Variants in ESPNL observed in about 807,000 individuals in gnomAD.
ESPNL encodes the protein espin-like protein.
In ESPNL, 49 loss-of-function variants were observed where a neutral mutation model predicts 46.8. The observed-to-expected ratio is 1.05, with a 90% CI of 0.83 to 1.33. The LOEUF (loss-of-function observed/expected upper bound fraction) is 1.33, where lower values mean the gene tolerates loss of function less well. Ranked by LOEUF, ESPNL falls within the 40% of genes most tolerant of loss-of-function variation. The pLI, the probability that ESPNL is intolerant of heterozygous loss-of-function variation, is 0.00. For missense variants in ESPNL, 1,540 were observed against 1,436.6 expected, an observed-to-expected ratio of 1.07 and a Z score of -1.16; for synonymous variants, 664 against 662.1, an observed-to-expected ratio of 1.00 and a Z score of -0.04.
chr2:238,127,558 G>C (rs1692167393), intron 6 of ESPNL, 64 bp from the exon 7 acceptor site: 1 of 1,501,936 alleles, frequency 6.7e-7, no homozygotes, highest in Non-Finnish European at 8.9e-7. Context: ...CCGGATCCCC[G>C]AGGCTCTGGG....
At chr2:238,102,294 A>G (rs1054443734) in intron 2 of ESPNL, among the ~76,000 whole-genome samples, 163 bp downstream of exon 2, 1 of 152,180 alleles carries the variant, frequency 6.6e-6, no homozygotes, top group African/African-American at 2.4e-5. Context: ...GCCAAGGGCA[A>G]TGAGGCCTCT....
chr2:238,102,923 C>T (rs1451790986), intron 2 of ESPNL, among the ~76,000 whole-genome samples: 1 of 152,228 alleles, frequency 6.6e-6, no homozygotes, highest in African/African-American at 2.4e-5. Context: ...CCCCCACACC[C>T]CCTTAGCTCC....
At chr2:238,123,970 G>T (rs1014972557) in intron 5 of ESPNL, among the ~76,000 whole-genome samples, 1 of 152,236 alleles carries the variant, frequency 6.6e-6, no homozygotes, top group African/African-American at 2.4e-5. Context: ...ATGAGCAAGG[G>T]AGGCTTAGGG....
At position 238,128,736 on chromosome 2, in the gene ESPNL, C is replaced by T. The variant is rs574036097; in HGVS notation, c.1245C>T (p.Thr415=). ...EGTETALAGD[T]SDGLAALQLD... Reference sequence around the variant, plus strand: ...CAGAGACGGCGCTGGCGGGGGACACCTCAGATGGCCTGGCCGCACTACAGC... The same window carrying T: ...CAGAGACGGCGCTGGCGGGGGACACTTCAGATGGCCTGGCCGCACTACAGC... Residue 415 remains threonine, a synonymous_variant, in exon 8 of 9, where the codon ACC becomes ACT. Transcript: ENST00000343063. 3 of 1,601,846 alleles carry T rather than the reference C, an allele frequency of 1.9e-6. No individual in the cohort carries two copies. The highest frequency in any genetic ancestry group is 2.3e-5 in the East Asian group (1 of 44,206).
At position 238,132,029 on chromosome 2, in the gene ESPNL, G is replaced by T. The variant is rs1276296961; in HGVS notation, c.*297G>T. The T allele has an allele frequency of 2.2e-5, 7 of 319,784 alleles. No individual in the cohort carries two copies. The highest frequency in any genetic ancestry group is 4.0e-5 in the Non-Finnish European group (7 of 174,582). 19.8% of individuals were successfully genotyped at this position (319,784 alleles called of 1,614,324 possible). On this transcript the variant is annotated 3_prime_UTR_variant, in exon 9 of 9. Coordinates refer to ENST00000343063, the MANE Select transcript of ESPNL (RefSeq NM_194312.4). ...GCCGGCCCCCGAGACCTGGGATGCT[G>T]CCTGTTTCTCACTTGTCCTTCCCCA... is the stretch of plus-strand genomic sequence containing the variant.
intron 4 of ESPNL, among the ~76,000 whole-genome samples, chr2:238,116,429 G>A (rs1208533288): frequency 1.3e-5 from 2 of 152,214 alleles, no homozygotes; most frequent in African/African-American, 4.8e-5. Context: ...GCACTAGGGG[G>A]GAACCTCATT....
intron 4 of ESPNL, among the ~76,000 whole-genome samples, chr2:238,108,296 G>T (rs1001584425): frequency 1.3e-5 from 2 of 152,216 alleles, no homozygotes; most frequent in African/African-American, 2.4e-5. Flanking sequence ...TGAGCAGCCT[G>T]CGAGTAGAGC....
At chr2:238,124,781 G>T (rs565023167) in intron 5 of ESPNL, among the ~76,000 whole-genome samples, 1 of 151,126 alleles carries the variant, frequency 6.6e-6, no homozygotes, top group African/African-American at 2.4e-5. Flanking sequence ...GTGTGTGCAG[G>T]AGAGTACGTG....
In ESPNL at chr2:238,109,100, C is replaced by T. The variant is rs1012854917; in HGVS notation, c.855+1127C>T. Among the ~76,000 whole-genome samples the T allele has an allele frequency of 7.2e-5, 11 of 152,172 alleles. No individual in the cohort carries two copies. The East Asian group carries it at 1.2e-3, about 16-fold the overall frequency. On this transcript the variant is annotated intron_variant, in intron 4 of 8. Coordinates refer to ENST00000343063, the MANE Select transcript of ESPNL (RefSeq NM_194312.4). ...ATAGGAAGTGGGGGGAGGGGTGACC[C>T]GCAGGCCCTGGGAGGCATGTCCCTG... is the stretch of plus-strand genomic sequence containing the variant.
chr2:238,113,568 A>G (rs1049714899), intron 4 of ESPNL, among the ~76,000 whole-genome samples: 3 of 151,474 alleles, frequency 2.0e-5, no homozygotes, highest in African/African-American at 7.4e-5. Context: ...TGCTGACATG[A>G]AAAATGAAGC....
At chr2:238,104,585 A>G in intron 2 of ESPNL, 71 bp from the exon 3 acceptor site, 1 of 1,440,076 alleles carries the variant, frequency 6.9e-7, no homozygotes, top group Non-Finnish European at 9.2e-7. Flanking sequence ...GCAGCGGTGA[A>G]GTCCAAGCAG....
chr2:238,127,442 T>C, intron 6 of ESPNL, 180 bp from the exon 7 acceptor site: 1 of 1,297,436 alleles, frequency 7.7e-7, no homozygotes. Flanking sequence ...CCCCACTGAC[T>C]CCCCAGAGAA....
intron 4 of ESPNL, among the ~76,000 whole-genome samples, chr2:238,115,309 G>A (rs1006428566): frequency 5.9e-5 from 9 of 152,204 alleles, no homozygotes; most frequent in East Asian, 1.9e-4. Flanking sequence ...CAAGGCACTC[G>A]CCCTCGAGGT....
chr2:238,101,503 C>A (rs139740887), intron 1 of ESPNL, among the ~76,000 whole-genome samples: 1 of 152,278 alleles, frequency 6.6e-6, no homozygotes, highest in Non-Finnish European at 1.5e-5. Flanking sequence ...TCTGCTGGAC[C>A]CCTGACACCT....
chr2:238,117,412 G>A lies in ESPNL; in HGVS notation c.987+378G>A, dbSNP rs539967213. The stretch of plus-strand genomic sequence containing the variant: ...GGAACTTGGCCAGGCCATGCCTTTC[G>A]TCTGGGTCACAGAGACCACATCTGT... On this transcript the variant is annotated intron_variant, in intron 5 of 8. Transcript: ENST00000343063. 1.4e-4 allele frequency among the ~76,000 whole-genome samples: 22 copies of A among 152,336 alleles called. No homozygotes were observed. In the South Asian group the frequency reaches 3.9e-3, roughly 27 times the overall value.
chr2:238,125,385 G>A lies in ESPNL; in HGVS notation c.1102+1G>A, dbSNP rs182240751. 5.7e-5 allele frequency: 87 copies of A among 1,533,924 alleles called. No homozygotes were observed. The highest frequency in any genetic ancestry group is 3.2e-4 in the Admixed American group (16 of 49,274). ...GGCCCAGGGCCAGGGAACCCCAGCC[G>A]TGAGTGCACAGCCCCAAGTGGGCCA... On this transcript the variant is annotated splice_donor_variant, in intron 6 of 8. Coordinates refer to ENST00000343063, the MANE Select transcript of ESPNL (RefSeq NM_194312.4). LOFTEE classifies it high-confidence loss of function.
At chr2:238,106,426 G>A (rs1691600256) in intron 3 of ESPNL, among the ~76,000 whole-genome samples, 1 of 152,224 alleles carries the variant, frequency 6.6e-6, no homozygotes, top group Non-Finnish European at 1.5e-5. Context: ...TTGTCCCCAA[G>A]GCCGCCTGAA....
At chr2:238,110,838 C>G (rs1012517360) in intron 4 of ESPNL, among the ~76,000 whole-genome samples, 2 of 152,228 alleles carry the variant, frequency 1.3e-5, no homozygotes, top group Middle Eastern at 6.8e-3. Context: ...CAGCTTTTTC[C>G]CATTTAAAAA....
At chr2:238,111,369 G>C (rs966876181) in intron 4 of ESPNL, among the ~76,000 whole-genome samples, 1 of 152,112 alleles carries the variant, frequency 6.6e-6, no homozygotes, top group Non-Finnish European at 1.5e-5. Flanking sequence ...TCACGTTGTC[G>C]TGCAGCAGAA....
Sources: gnomAD v4.1 joint callset for allele counts (sites outside exome capture counted in the v4.1 genomes callset) on GRCh38, gnomAD v4.1.1 for gene constraint, MANE v1.5 for transcripts, NCBI Gene and HGNC (gene_info 2026-07-23, HGNC 2026-07-21) for gene names.